MEIS1: variants seen among roughly 807,000 people sequenced by gnomAD.
MEIS1 encodes homeobox protein Meis1.
A neutral mutation model predicts 50.8 loss-of-function variants in MEIS1; 5 were observed. The ratio of observed to expected loss-of-function variants is 0.10; its 90% CI spans 0.05 to 0.21. MEIS1 has a LOEUF of 0.21. Among genes scored for constraint, MEIS1 ranks in the 10% least tolerant of loss-of-function variants. MEIS1 has a pLI of 1.00. For synonymous variants in MEIS1, 176 were observed against 179.3 expected (o/e 0.98, Z 0.15); for missense variants, 318 against 517.3 (o/e 0.61, Z 3.74).
At chr2:66,438,069 C>A in intron 2 of MEIS1, 106 bp downstream of exon 2, 1 of 1,020,310 alleles carries the variant, frequency 9.8e-7, no homozygotes, top group Non-Finnish European at 1.4e-6. Flanking sequence ...GGAGGTACAT[C>A]TTTGGTGACT....
At chr2:66,536,245 C>A (rs1233813896) in intron 8 of MEIS1, among the ~76,000 whole-genome samples, 1 of 152,154 alleles carries the variant, frequency 6.6e-6, no homozygotes, top group Non-Finnish European at 1.5e-5. Flanking sequence ...AATTTACATA[C>A]TTTTAAAGAA....
At chr2:66,480,206 T>G (rs1263410865) in intron 7 of MEIS1, among the ~76,000 whole-genome samples, 2 of 152,218 alleles carry the variant, frequency 1.3e-5, no homozygotes, top group African/African-American at 4.8e-5. Context: ...AATGCTAATA[T>G]GTGAGGATAA....
intron 7 of MEIS1, among the ~76,000 whole-genome samples, chr2:66,491,892 C>A (rs1040948407): frequency 1.3e-5 from 2 of 151,862 alleles, no homozygotes; most frequent in Non-Finnish European, 2.9e-5. Context: ...TTATTAGCAC[C>A]GTCCAAATGA....
In MEIS1 at chr2:66,567,072, G is replaced by C. The variant is rs574882055; in HGVS notation, c.966-381G>C. 2.4e-4 allele frequency among the ~76,000 whole-genome samples: 37 copies of C among 152,276 alleles called. 2 individuals are homozygous for C. The South Asian group carries it at 6.0e-3, about 25-fold the overall frequency. Reference sequence around the variant, plus strand: ...CATAAGATTGAAATGTCACTAATTAGGAGAGGTAACAGATGCCCTTATGAG... The same window carrying C: ...CATAAGATTGAAATGTCACTAATTACGAGAGGTAACAGATGCCCTTATGAG... On this transcript the variant is annotated intron_variant, in intron 9 of 12. Transcript: ENST00000272369.
intron 8 of MEIS1, among the ~76,000 whole-genome samples, chr2:66,520,920 A>T (rs1674101565): frequency 6.6e-6 from 1 of 152,242 alleles, no homozygotes; most frequent in Admixed American, 6.5e-5. Flanking sequence ...AACACACAGC[A>T]AATCAAATCG....
At chr2:66,559,019 ATAATCTCAGC>A (rs1675144518) in intron 9 of MEIS1, among the ~76,000 whole-genome samples, 1 of 151,920 alleles carries the variant, frequency 6.6e-6, no homozygotes, top group Non-Finnish European at 1.5e-5. Flanking sequence ...GTGGGTGCCT[ATAATCTCAGC>A]TACTAGGGAG....
intron 8 of MEIS1, among the ~76,000 whole-genome samples, chr2:66,534,127 T>C (rs939317967): frequency 6.6e-6 from 1 of 152,084 alleles, no homozygotes; most frequent in Admixed American, 6.6e-5. Flanking sequence ...ATTTTACCAA[T>C]GAGGAAGCAA....
At chr2:66,563,147 A>C (rs1675259531) in intron 9 of MEIS1, among the ~76,000 whole-genome samples, 1 of 152,204 alleles carries the variant, frequency 6.6e-6, no homozygotes, top group South Asian at 2.1e-4. Context: ...TAATTGTAAA[A>C]GTACAAAAGT....
At chr2:66,547,360 G>C (rs761592085) in intron 8 of MEIS1, among the ~76,000 whole-genome samples, 1 of 152,080 alleles carries the variant, frequency 6.6e-6, no homozygotes, top group Non-Finnish European at 1.5e-5. Context: ...AGCATGTGTT[G>C]ACATTCAGAT....
At chr2:66,526,110 G>A (rs569545782) in intron 8 of MEIS1, among the ~76,000 whole-genome samples, 268 of 152,302 alleles carry the variant, frequency 1.8e-3, no homozygotes, top group Non-Finnish European at 3.1e-3. Context: ...CATCCTGGAA[G>A]GAAGGTGAAT....
At chr2:66,525,779 C>T (rs572203534) in intron 8 of MEIS1, among the ~76,000 whole-genome samples, 28 of 152,286 alleles carry the variant, frequency 1.8e-4, no homozygotes, top group African/African-American at 6.7e-4. Flanking sequence ...TTGTGGTTCA[C>T]CTCCACCACA....
At chr2:66,571,208 C>T in intron 12 of MEIS1, 38 bp from the exon 13 acceptor site, 1 of 1,542,392 alleles carries the variant, frequency 6.5e-7, no homozygotes, top group Non-Finnish European at 8.7e-7. Flanking sequence ...TTTTTCATAA[C>T]ATTTTCTTTT....
chr2:66,440,428 G>C (rs1049633421), intron 3 of MEIS1, 134 bp from the exon 4 acceptor site: 4 of 750,126 alleles, frequency 5.3e-6, no homozygotes, highest in African/African-American at 3.5e-5. Context: ...GGTGTCACCG[G>C]GTCCCTCCCG....
At chr2:66,546,063 T>C (rs1674784053) in intron 8 of MEIS1, among the ~76,000 whole-genome samples, 1 of 152,162 alleles carries the variant, frequency 6.6e-6, no homozygotes, top group Non-Finnish European at 1.5e-5. Flanking sequence ...AAGGGGTTTA[T>C]TAGCATTGGT....
chr2:66,477,500 G>A (rs559547092), intron 7 of MEIS1, among the ~76,000 whole-genome samples: 43 of 152,310 alleles, frequency 2.8e-4, no homozygotes, highest in African/African-American at 1.0e-3. Context: ...CAGAGGTGAT[G>A]CTTTTCCCAC....
At chr2:66,502,213 C>T (rs76305771) in intron 7 of MEIS1, among the ~76,000 whole-genome samples, 289 of 152,168 alleles carry the variant, frequency 1.9e-3, no homozygotes, top group African/African-American at 6.1e-3. Flanking sequence ...AAAAACTTGA[C>T]GTGTTCAGAA....
rs1275943742 is a variant in MEIS1 at position 66,573,599 on chromosome 2, ATTCTCACCTTTTGC to A, written c.*2393_*2406del. 6.6e-6 allele frequency: 1 copy of A among 152,210 alleles called. No homozygotes were observed. Among genetic ancestry groups the A allele is most frequent in the East Asian group, 1.9e-4 (1 of 5,180 alleles). The allele number at this position is 152,210 out of a possible 1,614,324, so 9.4% of individuals were successfully genotyped here. On this transcript the variant is annotated 3_prime_UTR_variant, in exon 13 of 13. Coordinates refer to ENST00000272369, the MANE Select transcript of MEIS1 (RefSeq NM_002398.3). ...GACTCACCTGCTGGAGTAGCAATGC[ATTCTCACCTTTTGC>A]TGATGGGGCCTTGTTTCTAAACACG...
chr2:66,448,958 T>G (rs1672218404), intron 6 of MEIS1, among the ~76,000 whole-genome samples: 1 of 152,026 alleles, frequency 6.6e-6, no homozygotes, highest in Non-Finnish European at 1.5e-5. Flanking sequence ...CATGGCCTTT[T>G]GTGGATTATG....
chr2:66,498,996 C>G (rs1347281927), intron 7 of MEIS1, among the ~76,000 whole-genome samples: 3 of 152,206 alleles, frequency 2.0e-5, no homozygotes, highest in Admixed American at 6.5e-5. Context: ...AGTAATCAAA[C>G]TTTGTGAAGT....
Sources: gnomAD v4.1 joint callset for allele counts (sites outside exome capture counted in the v4.1 genomes callset) on GRCh38, gnomAD v4.1.1 for gene constraint, MANE v1.5 for transcripts, NCBI Gene and HGNC (gene_info 2026-07-23, HGNC 2026-07-21) for gene names.